Variants in NETO1 observed in about 807,000 individuals in gnomAD.
The protein encoded by NETO1 is neuropilin and tolloid like 1.
NETO1 carries 26 observed loss-of-function variants against 61.3 expected under a neutral mutation model. The ratio of observed to expected loss-of-function variants is 0.42; its 90% confidence interval spans 0.31 to 0.59. NETO1 has a LOEUF of 0.59. Among genes scored for constraint, NETO1 ranks in the 20% least tolerant of loss-of-function variants. The probability of loss-of-function intolerance (pLI) is 0.12; values close to 1 mark genes in which losing one functional copy is unlikely to be tolerated. For missense variants in NETO1, 531 were observed against 662.8 expected (o/e 0.80, Z 2.18); for synonymous variants, 225 against 225.8 (o/e 1.00, Z 0.03).
chr18:72,808,301 C>G (rs929433831), intron 4 of NETO1, among the ~76,000 whole-genome samples: 1 of 152,230 alleles, frequency 6.6e-6, no homozygotes, highest in East Asian at 1.9e-4. Flanking sequence ...ACATGAGTGT[C>G]TAGGAATAAC....
chr18:72,865,627 A>G (rs1395633779), intron 1 of NETO1: 3 of 1,592,400 alleles, frequency 1.9e-6, no homozygotes, highest in Middle Eastern at 1.7e-4. Context: ...CCAGAAGGTA[A>G]AAAGGAGGAA....
chr18:72,753,044 T>C (rs553136676), intron 8 of NETO1, among the ~76,000 whole-genome samples: 18 of 151,926 alleles, frequency 1.2e-4, no homozygotes, highest in African/African-American at 3.9e-4. Context: ...CACACTAACA[T>C]ACTGTAATGG....
Position 72,830,117 on chromosome 18 carries a change from A to G in NETO1, c.469+28709T>C, listed in dbSNP as rs2073525663. ...ATCTACCTATGTGGCTGAAATATGAAGGAAGTACTATAAAACCTATGGCTT... is the reference window on the plus strand; with the variant it reads ...ATCTACCTATGTGGCTGAAATATGAGGGAAGTACTATAAAACCTATGGCTT... On this transcript the variant is annotated intron_variant, in intron 4 of 10. Coordinates refer to ENST00000327305, the MANE Select transcript of NETO1 (RefSeq NM_138966.5). This position sits in a 1 kb window ranked among gnomAD's most constrained non-coding sequence, Gnocchi z 4.9. 6.6e-6 allele frequency among the ~76,000 whole-genome samples: 1 copy of G among 152,200 alleles called. No homozygotes were observed. The highest frequency in any genetic ancestry group is 1.5e-5 in the Non-Finnish European group (1 of 68,038).
At chr18:72,811,108 G>A (rs769807300) in intron 4 of NETO1, among the ~76,000 whole-genome samples, 18 of 151,888 alleles carry the variant, frequency 1.2e-4, no homozygotes, top group Admixed American at 9.2e-4. Context: ...TCTTTGTCAC[G>A]GCCTTCCTCA....
chr18:72,766,040 C>G (rs1218186174), intron 7 of NETO1, among the ~76,000 whole-genome samples: 2 of 151,940 alleles, frequency 1.3e-5, no homozygotes, highest in Non-Finnish European at 1.5e-5. Flanking sequence ...GAACTCATCT[C>G]TACTAAAAAT....
intron 4 of NETO1, among the ~76,000 whole-genome samples, chr18:72,797,275 G>A (rs1043573941): frequency 6.6e-6 from 1 of 152,008 alleles, no homozygotes; most frequent in South Asian, 2.1e-4. Context: ...CTCATGCCAG[G>A]CAATGTAGAG....
At chr18:72,752,541 G>A (rs768046486) in intron 8 of NETO1, among the ~76,000 whole-genome samples, 2 of 152,040 alleles carry the variant, frequency 1.3e-5, no homozygotes, top group African/African-American at 2.4e-5. Flanking sequence ...GTCCTGGGAG[G>A]AAGGAGTTAG....
chr18:72,834,171 ATTTTAATAAAATACAACATATAT>A, intron 4 of NETO1: 1 of 686,348 alleles, frequency 1.5e-6, no homozygotes, highest in Non-Finnish European at 1.8e-6. Context: ...ACATTTTAAT[ATTTTAATAAAATACAACATATAT>A]GCATATTAGT....
At chr18:72,766,611 C>G (rs562651507) in intron 7 of NETO1, among the ~76,000 whole-genome samples, 2 of 152,104 alleles carry the variant, frequency 1.3e-5, no homozygotes, top group African/African-American at 4.8e-5. Context: ...TCAAGATGTA[C>G]ATATATTAAT....
At chr18:72,863,239 G>A (rs73474084) in intron 3 of NETO1, among the ~76,000 whole-genome samples, 2,752 of 152,266 alleles carry the variant, frequency 0.018, 89 homozygotes, top group African/African-American at 0.061. Flanking sequence ...GCCCTAGGAT[G>A]CGCCACGAAG....
chr18:72,805,633 T>C lies in NETO1; in HGVS notation c.470-11229A>G, dbSNP rs1034281996. 2.5e-4 allele frequency among the ~76,000 whole-genome samples: 38 copies of C among 152,060 alleles called. 2 individuals carry two copies. The highest frequency in any genetic ancestry group is 1.6e-4 in the Non-Finnish European group (11 of 68,036). ...AGCCTAAGAATACAGTTGTAAATGG[T>C]AGGACTTGAAATCAGAATTAGGCAG... On this transcript the variant is annotated intron_variant, in intron 4 of 10. Coordinates refer to ENST00000327305, the MANE Select transcript of NETO1 (RefSeq NM_138966.5).
chr18:72,838,096 G>C (rs1233792393), intron 4 of NETO1, among the ~76,000 whole-genome samples: 1 of 151,910 alleles, frequency 6.6e-6, no homozygotes, highest in East Asian at 1.9e-4. Flanking sequence ...GTATCTCTAT[G>C]AGAGACCTAC....
chr18:72,867,860 C>T lies in NETO1; in HGVS notation c.-569G>A, dbSNP rs867792152. On this transcript the variant is annotated 5_prime_UTR_variant, in exon 1 of 11. Transcript: ENST00000327305. The stretch of plus-strand genomic sequence containing the variant: ...CGCGCAGCAGGTCGGAGCAGCCTCC[C>T]CGGGAGGATGTCCAGCGGCAGCGCT... 62 of 152,322 alleles carry T rather than the reference C, an allele frequency of 4.1e-4. No individual in the cohort carries two copies. The highest frequency in any genetic ancestry group is 1.2e-3 in the South Asian group (7 of 5,658). 9.4% of individuals were successfully genotyped at this position (152,322 alleles called of 1,614,324 possible). A position where few individuals can be genotyped will look rare whatever the true frequency, so the allele number is the denominator to read the frequency against.
intron 7 of NETO1, among the ~76,000 whole-genome samples, chr18:72,762,164 C>CT (rs36062589): frequency 0.3 from 44,031 of 147,486 alleles, 7,575 homozygotes; most frequent in South Asian, 0.4. Context: ...TTAGAATACA[C>CT]TTTTTTTTTT....
intron 4 of NETO1, among the ~76,000 whole-genome samples, chr18:72,832,412 C>G (rs1339144353): frequency 6.6e-6 from 1 of 152,048 alleles, no homozygotes; most frequent in African/African-American, 2.4e-5. Flanking sequence ...TCTTTTTCCC[C>G]CTCAGTGATA....
chr18:72,788,745 T>A (rs996255928), intron 6 of NETO1, among the ~76,000 whole-genome samples: 7 of 152,120 alleles, frequency 4.6e-5, no homozygotes, highest in Non-Finnish European at 7.4e-5. Context: ...TAGTAATATC[T>A]ATTTTTCAAA....
intron 7 of NETO1, among the ~76,000 whole-genome samples, chr18:72,772,753 A>C (rs1413379227): frequency 3.1e-5 from 1 of 32,050 alleles, no homozygotes; most frequent in African/African-American, 1.7e-4. Context: ...ATCTCTCTAT[A>C]TATATCTATA....
Position 72,746,900 on chromosome 18 carries a change from TA to T in NETO1, c.*1278del, listed in dbSNP as rs1043304740. Among the ~76,000 whole-genome samples, 8 of 152,074 alleles carry T rather than the reference TA, an allele frequency of 5.3e-5. No homozygotes were observed. Among genetic ancestry groups the T allele is most frequent in the Non-Finnish European group, 8.8e-5 (6 of 67,944 alleles). On this transcript the variant is annotated 3_prime_UTR_variant, in exon 11 of 11. Coordinates refer to ENST00000327305, the MANE Select transcript of NETO1 (RefSeq NM_138966.5). ...AATTTAATAGCAGTAAAATATATTT[TA>T]GGATTTTACTTTATGTTAAACACAT...
At position 72,854,383 on chromosome 18, in the gene NETO1, C is replaced by G. The variant is rs80146338; in HGVS notation, c.469+4443G>C. ...GTAACTTTGTTCCTTAAAACTAGTA[C>G]AGGAAAACTATCATTGAAAAGGAAA... On this transcript the variant is annotated intron_variant, in intron 4 of 10. Coordinates refer to ENST00000327305, the MANE Select transcript of NETO1 (RefSeq NM_138966.5). Among the ~76,000 whole-genome samples the G allele has an allele frequency of 9.4e-3, 1,435 of 152,234 alleles. 25 individuals are homozygous for G. Among genetic ancestry groups the G allele is most frequent in the Non-Finnish European group, 0.011 (717 of 68,026 alleles).
Sources: allele counts gnomAD v4.1 joint callset (sites outside exome capture counted in the v4.1 genomes callset), GRCh38; gene constraint gnomAD v4.1.1; non-coding constraint Gnocchi (gnomAD v3.1); transcripts MANE v1.5; gene names NCBI Gene and HGNC (gene_info 2026-07-23, HGNC 2026-07-21).